The following AMIGO1 variants were observed in gnomAD, a reference collection of about 807,000 sequenced individuals.
The protein encoded by AMIGO1 is amphoterin-induced protein 1.
For missense variants in AMIGO1, 361 were observed against 612.3 expected, an observed-to-expected ratio of 0.59 and a Z score of 4.33; for synonymous variants, 249 against 266.3, an observed-to-expected ratio of 0.93 and a Z score of 0.63.
rs1017334343 is a variant in AMIGO1, at chr1:109,506,400, A to T, written c.*1031T>A. 2.0e-5 allele frequency: 3 copies of T among 152,246 alleles called. No individual in the cohort carries two copies. The highest frequency in any genetic ancestry group is 7.2e-5 in the African/African-American group (3 of 41,450). The allele number at this position is 152,246 out of a possible 1,614,324, so 9.4% of individuals were successfully genotyped here. A position where few individuals can be genotyped will look rare whatever the true frequency, so the allele number is the denominator to read the frequency against. ...AAATTCAGAATCCCACCTGAGCTTG[A>T]TAAGGAGACTGGATGAAGAGATGGC... On this transcript the variant is annotated 3_prime_UTR_variant, in exon 2 of 2. Coordinates refer to ENST00000369864, the MANE Select transcript of AMIGO1 (RefSeq NM_020703.4).
rs748122059 is a variant in AMIGO1 at position 109,508,678 on chromosome 1, C to T, written c.235G>A (p.Glu79Lys). ...SHNNLSRLRA[E>K]WTPTRLTQLH... ...TGGGTCAGGCGCGTGGGGGTCCACT[C>T]GGCCCGCAGGCGGCTCAGGTTGTTG... The change falls in exon 2 of 2, where the codon GAG becomes AAG. Residue 79 changes from glutamate to lysine, a missense_variant. Coordinates refer to ENST00000369864, the MANE Select transcript of AMIGO1 (RefSeq NM_020703.4). This position sits in a 1 kb window ranked among gnomAD's most constrained non-coding sequence, Gnocchi z 7.8. The T allele has an allele frequency of 6.2e-7, 1 of 1,614,110 alleles. No homozygotes were observed. The highest frequency in any genetic ancestry group is 8.5e-7 in the Non-Finnish European group (1 of 1,180,030).
At position 109,507,142 on chromosome 1, in the gene AMIGO1, C is replaced by G. The variant is rs1039140227; in HGVS notation, c.*289G>C. On this transcript the variant is annotated 3_prime_UTR_variant, in exon 2 of 2. Transcript: ENST00000369864. The surrounding 1 kb of genome is among the most constrained non-coding windows in gnomAD (Gnocchi z 4.7). The stretch of plus-strand genomic sequence containing the variant: ...AATCTGTTCTTCCCCTCACTCCTTC[C>G]TCATTCCCATCCAACTCAGACATGC... 5.5e-6 allele frequency: 2 copies of G among 364,016 alleles called. No homozygotes were observed. Among genetic ancestry groups the G allele is most frequent in the African/African-American group, 2.0e-5 (1 of 49,158 alleles). The allele number at this position is 364,016 out of a possible 1,614,324, so 22.5% of individuals were successfully genotyped here.
In AMIGO1 at chr1:109,508,652, T is replaced by C. The variant is rs577221577; in HGVS notation, c.261A>G (p.Gln87=). The change falls in exon 2 of 2, where the codon CAA becomes CAG. Residue 87 remains glutamine, a synonymous_variant. Transcript: ENST00000369864. This position sits in a 1 kb window ranked among gnomAD's most constrained non-coding sequence, Gnocchi z 7.8. Reference sequence around the variant, plus strand: ...TGTGGCTCAGCAGCAGGGAGTGCAGTTGGGTCAGGCGCGTGGGGGTCCACT... The same window carrying C: ...TGTGGCTCAGCAGCAGGGAGTGCAGCTGGGTCAGGCGCGTGGGGGTCCACT... ...RAEWTPTRLT[Q]LHSLLLSHNH... 3.1e-6 allele frequency: 5 copies of C among 1,614,112 alleles called. No homozygotes were observed. The highest frequency in any genetic ancestry group is 2.2e-5 in the South Asian group (2 of 91,062).
chr1:109,509,118 G>C (rs1658102861), intron 1 of AMIGO1, 119 bp from the exon 2 acceptor site: 1 of 620,500 alleles, frequency 1.6e-6, no homozygotes, highest in South Asian at 2.1e-5. Context: ...AGAGATGCTG[G>C]GTAGTTTCCA....
chr1:109,505,566 A>G lies in AMIGO1; in HGVS notation c.*1865T>C, dbSNP rs1657990844. On this transcript the variant is annotated 3_prime_UTR_variant, in exon 2 of 2. Transcript: ENST00000369864. ...TATGAGCATGCAGGTACTTGAGGGA[A>G]ATGCTGCACCTCTCTCTCAACAAAA... The G allele has an allele frequency of 6.6e-6, 1 of 152,118 alleles. No homozygotes were observed. The highest frequency in any genetic ancestry group is 2.4e-5 in the African/African-American group (1 of 41,402). The allele number at this position is 152,118 out of a possible 1,614,324, so 9.4% of individuals were successfully genotyped here.
At chr1:109,509,188 A>C (rs1438812243) in intron 1 of AMIGO1, among the ~76,000 whole-genome samples, 189 bp from the exon 2 acceptor site, 2 of 152,108 alleles carry the variant, frequency 1.3e-5, no homozygotes, top group Non-Finnish European at 2.9e-5. Flanking sequence ...CCGAGGGCCT[A>C]CTGGGCTGGG....
chr1:109,508,634 C>T lies in AMIGO1; in HGVS notation c.279G>A (p.Leu93=). Residue 93 remains leucine, a synonymous_variant, in exon 2 of 2, where the codon CTG becomes CTA. Coordinates refer to ENST00000369864, the MANE Select transcript of AMIGO1 (RefSeq NM_020703.4). This position sits in a 1 kb window ranked among gnomAD's most constrained non-coding sequence, Gnocchi z 7.8. ...AGATGAAGTTCAGGTGGTTGTGGCT[C>T]AGCAGCAGGGAGTGCAGTTGGGTCA... is the stretch of plus-strand genomic sequence containing the variant. ...TRLTQLHSLL[L]SHNHLNFISS... 6.2e-7 allele frequency: 1 copy of T among 1,614,170 alleles called. No individual in the cohort carries two copies. The highest frequency in any genetic ancestry group is 8.5e-7 in the Non-Finnish European group (1 of 1,180,052).
rs1658124089 is a variant in AMIGO1 at position 109,509,695 on chromosome 1, C to T, written c.-363G>A. The T allele has an allele frequency of 6.6e-6, 1 of 150,456 alleles. No homozygotes were observed. Among genetic ancestry groups the T allele is most frequent in the Admixed American group, 6.6e-5 (1 of 15,118 alleles). The allele number at this position is 150,456 out of a possible 1,614,324, so 9.3% of individuals were successfully genotyped here. Reference sequence around the variant, plus strand: ...TGCGGGGAGCCGGAGGCGCAGCGATCCCAGCGGAGGGAGCGGCGTGGGGGC... The same window carrying T: ...TGCGGGGAGCCGGAGGCGCAGCGATTCCAGCGGAGGGAGCGGCGTGGGGGC... On this transcript the variant is annotated 5_prime_UTR_variant, in exon 1 of 2. Transcript: ENST00000369864.
At position 109,508,663 on chromosome 1, in the gene AMIGO1, G is replaced by A; in HGVS notation, c.250C>T (p.Arg84Cys). 1 of 1,614,172 alleles carries A rather than the reference G, an allele frequency of 6.2e-7. No individual in the cohort carries two copies. The highest frequency in any genetic ancestry group is 8.5e-7 in the Non-Finnish European group (1 of 1,180,028). The change falls in exon 2 of 2, where the codon CGC becomes TGC. Residue 84 changes from arginine (R) to cysteine (C), a missense_variant. Arg to Cys is a radical substitution (Grantham distance 180). Transcript: ENST00000369864. The surrounding 1 kb of genome is among the most constrained non-coding windows in gnomAD (Gnocchi z 7.8). ...SRLRAEWTPTRLTQLHSLLLS... is the reference protein window; with the variant it reads ...SRLRAEWTPTCLTQLHSLLLS... ...AGCAGGGAGTGCAGTTGGGTCAGGC[G>A]CGTGGGGGTCCACTCGGCCCGCAGG...
At position 109,507,697 on chromosome 1, in the gene AMIGO1, G is replaced by C. The variant is rs750952983; in HGVS notation, c.1216C>G (p.Pro406Ala). Residue 406 changes from proline (P) to alanine (A), a missense_variant, in exon 2 of 2, where the codon CCT becomes GCT. Transcript: ENST00000369864. The surrounding 1 kb of genome is among the most constrained non-coding windows in gnomAD (Gnocchi z 4.7). ...AGGCTGTCTCCTTGATGGCTGGAAG[G>C]CTTCTCTACACCCCGGCACCAGCAG... ...CRCWCRGVEKPSSHQGDSLSS... is the reference protein window; with the variant it reads ...CRCWCRGVEKASSHQGDSLSS... 2 of 1,614,130 alleles carry C rather than the reference G, an allele frequency of 1.2e-6. No homozygotes were observed. Among genetic ancestry groups the C allele is most frequent in the East Asian group, 4.5e-5 (2 of 44,890 alleles).
Position 109,507,587 on chromosome 1 carries a change from A to G in AMIGO1, c.1326T>C (p.Ala442=). 4 of 1,613,974 alleles carry G rather than the reference A, an allele frequency of 2.5e-6. No individual in the cohort carries two copies. Among genetic ancestry groups the G allele is most frequent in the Non-Finnish European group, 2.5e-6 (3 of 1,180,012 alleles). The change falls in exon 2 of 2, where the codon GCT becomes GCC. Residue 442 remains alanine, a synonymous_variant. Transcript: ENST00000369864. This position sits in a 1 kb window ranked among gnomAD's most constrained non-coding sequence, Gnocchi z 4.7. ...GCCCAGGTCCAGCAGGTTCCAGGAA[A>G]GCCACCCGCCGGTCAAAACCATCAT... is the stretch of plus-strand genomic sequence containing the variant. ...DKDDGFDRRV[A]FLEPAGPGQG... is the part of the protein sequence containing the mutation.
At position 109,507,283 on chromosome 1, in the gene AMIGO1, C is replaced by T; in HGVS notation, c.*148G>A. Reference sequence around the variant, plus strand: ...GTGGCAGCCACGCCCTGTTTGGGGTCTTGCTCTCTGTTGTACCTGGGACCA... The same window carrying T: ...GTGGCAGCCACGCCCTGTTTGGGGTTTTGCTCTCTGTTGTACCTGGGACCA... On this transcript the variant is annotated 3_prime_UTR_variant, in exon 2 of 2. Coordinates refer to ENST00000369864, the MANE Select transcript of AMIGO1 (RefSeq NM_020703.4). This position sits in a 1 kb window ranked among gnomAD's most constrained non-coding sequence, Gnocchi z 4.7. 1 of 1,159,050 alleles carries T rather than the reference C, an allele frequency of 8.6e-7. No homozygotes were observed. The highest frequency in any genetic ancestry group is 1.2e-6 in the Non-Finnish European group (1 of 830,060). 71.8% of individuals were successfully genotyped at this position (1,159,050 alleles called of 1,614,324 possible). A position where few individuals can be genotyped will look rare whatever the true frequency, so the allele number is the denominator to read the frequency against.
Position 109,505,435 on chromosome 1 carries a change from A to G in AMIGO1, c.*1996T>C, listed in dbSNP as rs1657988797. On this transcript the variant is annotated 3_prime_UTR_variant, in exon 2 of 2. Coordinates refer to ENST00000369864, the MANE Select transcript of AMIGO1 (RefSeq NM_020703.4). ...CAATTGTGTGCATGAAGTTGTGCAC[A>G]TTGGTGGAGACCATTCTGAGAGTAT... 1 of 152,240 alleles carries G rather than the reference A, an allele frequency of 6.6e-6. No individual in the cohort carries two copies. Among genetic ancestry groups the G allele is most frequent in the Non-Finnish European group, 1.5e-5 (1 of 68,042 alleles). 9.4% of individuals were successfully genotyped at this position (152,240 alleles called of 1,614,324 possible). A position where few individuals can be genotyped will look rare whatever the true frequency, so the allele number is the denominator to read the frequency against.
rs1289439430 is a variant in AMIGO1, at chr1:109,506,570, C to T, written c.*861G>A. The stretch of plus-strand genomic sequence containing the variant: ...CTGCCTTCAGCAGCCCCCACTCTGG[C>T]CTGACACACAGATGCTGGGAATCAA... On this transcript the variant is annotated 3_prime_UTR_variant, in exon 2 of 2. Coordinates refer to ENST00000369864, the MANE Select transcript of AMIGO1 (RefSeq NM_020703.4). 2 of 152,248 alleles carry T rather than the reference C, an allele frequency of 1.3e-5. No individual in the cohort carries two copies. Among genetic ancestry groups the T allele is most frequent in the African/African-American group, 4.8e-5 (2 of 41,470 alleles). 9.4% of individuals were successfully genotyped at this position (152,248 alleles called of 1,614,324 possible).
Position 109,507,754 on chromosome 1 carries a change from C to T in AMIGO1, c.1159G>A (p.Val387Ile). Residue 387 changes from valine (V) to isoleucine (I), a missense_variant, in exon 2 of 2, where the codon GTC (valine) becomes ATC (isoleucine). By Grantham distance (29) the Val-to-Ile change is conservative. Transcript: ENST00000369864. The surrounding 1 kb of genome is among the most constrained non-coding windows in gnomAD (Gnocchi z 4.7). ...GGGGTGAGGTATAGGTATATGAGGACCAGGACCACACTAAGGATACAGCCC... is the reference window on the plus strand; with the variant it reads ...GGGGTGAGGTATAGGTATATGAGGATCAGGACCACACTAAGGATACAGCCC... ...LVGCILSVVL[V>I]LIYLYLTPCR... The T allele has an allele frequency of 6.2e-7, 1 of 1,614,040 alleles. No individual in the cohort carries two copies. The highest frequency in any genetic ancestry group is 8.5e-7 in the Non-Finnish European group (1 of 1,179,992).
rs1306410650 is a variant in AMIGO1 at position 109,508,332 on chromosome 1, G to A, written c.581C>T (p.Ser194Phe). The A allele has an allele frequency of 6.2e-7, 1 of 1,614,002 alleles. No individual in the cohort carries two copies. Among genetic ancestry groups the A allele is most frequent in the African/African-American group, 1.3e-5 (1 of 74,906 alleles). ...LPKLTLLDLS[S>F]NKLKNLPLPD... Reference sequence around the variant, plus strand: ...CAATGGCAAGTTCTTCAGCTTGTTAGAAGAGAGATCCAGGAGCGTTAGTTT... The same window carrying A: ...CAATGGCAAGTTCTTCAGCTTGTTAAAAGAGAGATCCAGGAGCGTTAGTTT... The change falls in exon 2 of 2, where the codon TCT (serine) becomes TTT (phenylalanine). Residue 194 changes from serine (S) to phenylalanine (F), a missense_variant. Transcript: ENST00000369864. This position sits in a 1 kb window ranked among gnomAD's most constrained non-coding sequence, Gnocchi z 7.8.
At position 109,507,595 on chromosome 1, in the gene AMIGO1, G is replaced by T; in HGVS notation, c.1318C>A (p.Arg440=). ...GGDKDDGFDR[R]VAFLEPAGPG... ...CCAGCAGGTTCCAGGAAAGCCACCC[G>T]CCGGTCAAAACCATCATCTTTGTCC... Residue 440 remains arginine, a synonymous_variant, in exon 2 of 2, where the codon CGG becomes AGG. Transcript: ENST00000369864. The surrounding 1 kb of genome is among the most constrained non-coding windows in gnomAD (Gnocchi z 4.7). 6.2e-7 allele frequency: 1 copy of T among 1,614,050 alleles called. No homozygotes were observed. The highest frequency in any genetic ancestry group is 8.5e-7 in the Non-Finnish European group (1 of 1,180,022).
At chr1:109,509,275 T>A (rs1369740179) in intron 1 of AMIGO1, 145 bp downstream of exon 1, 2 of 241,912 alleles carry the variant, frequency 8.3e-6, no homozygotes, top group African/African-American at 4.5e-5. Flanking sequence ...ACGGGCAGGG[T>A]TTGGAGGTGG....
rs1267420564 is a variant in AMIGO1, at chr1:109,506,329, C to T, written c.*1102G>A. On this transcript the variant is annotated 3_prime_UTR_variant, in exon 2 of 2. Coordinates refer to ENST00000369864, the MANE Select transcript of AMIGO1 (RefSeq NM_020703.4). Reference sequence around the variant, plus strand: ...CAAGCCTACTCTAAGCCAGCTGGGGCCAGGCTTTCTTGGACTCCTCCCTTT... The same window carrying T: ...CAAGCCTACTCTAAGCCAGCTGGGGTCAGGCTTTCTTGGACTCCTCCCTTT... The T allele has an allele frequency of 6.6e-6, 1 of 152,206 alleles. No homozygotes were observed. Among genetic ancestry groups the T allele is most frequent in the African/African-American group, 2.4e-5 (1 of 41,430 alleles). The allele number at this position is 152,206 out of a possible 1,614,324, so 9.4% of individuals were successfully genotyped here. A position where few individuals can be genotyped will look rare whatever the true frequency, so the allele number is the denominator to read the frequency against.
Sources: allele counts gnomAD v4.1 joint callset (sites outside exome capture counted in the v4.1 genomes callset), GRCh38; gene constraint gnomAD v4.1.1; non-coding constraint Gnocchi (gnomAD v3.1); transcripts MANE v1.5; gene names NCBI Gene and HGNC (gene_info 2026-07-23, HGNC 2026-07-21).